Variants in CFTR observed in about 807,000 individuals in gnomAD.
CFTR encodes CF transmembrane conductance regulator, also known as cystic fibrosis transmembrane conductance regulator.
A neutral mutation model predicts 171.6 loss-of-function variants in CFTR; 181 were observed. That is an observed-to-expected ratio of 1.05 (90% CI 0.93 to 1.19). CFTR has a LOEUF of 1.19. Ranked by LOEUF, CFTR falls within the 50% of genes most tolerant of loss-of-function variation. CFTR has a pLI of 0.00. For missense variants in CFTR, 1,968 were observed against 1,734.7 expected, an observed-to-expected ratio of 1.13 and a Z score of -2.39; for synonymous variants, 583 against 608.0, an observed-to-expected ratio of 0.96 and a Z score of 0.60.
intron 15 of CFTR, among the ~76,000 whole-genome samples, chr7:117,595,306 C>A (rs1792103132): frequency 6.7e-6 from 1 of 150,218 alleles, no homozygotes; most frequent in Admixed American, 6.6e-5. Flanking sequence ...ACAAGTAGAA[C>A]CACTACTGAT....
At chr7:117,648,071 A>G (rs895403969) in intron 23 of CFTR, among the ~76,000 whole-genome samples, 24 of 144,896 alleles carry the variant, frequency 1.7e-4, no homozygotes, top group Middle Eastern at 3.6e-3. Flanking sequence ...GTATATATGT[A>G]TATATATATA....
Position 117,668,030 on chromosome 7 carries a change from A to G in CFTR, c.*922A>G, listed in dbSNP as rs1793415691. ...TAGAGGGTGTGTAAGTAGATAGGCC[A>G]TGGGCACTGTGGGTAGACACACATG... On this transcript the variant is annotated 3_prime_UTR_variant, in exon 27 of 27. Transcript: ENST00000003084. The G allele has an allele frequency of 6.6e-6, 1 of 152,258 alleles. No individual in the cohort carries two copies. The highest frequency in any genetic ancestry group is 2.4e-5 in the African/African-American group (1 of 41,456). The allele number at this position is 152,258 out of a possible 1,614,324, so 9.4% of individuals were successfully genotyped here. A position where few individuals can be genotyped will look rare whatever the true frequency, so the allele number is the denominator to read the frequency against.
chr7:117,488,501 A>G (rs753719457), intron 1 of CFTR, among the ~76,000 whole-genome samples: 9 of 152,062 alleles, frequency 5.9e-5, no homozygotes, highest in Non-Finnish European at 8.8e-5. Flanking sequence ...GTCTCTGTTG[A>G]CCATTTCATT....
At chr7:117,563,954 G>A (rs1033494998) in intron 11 of CFTR, among the ~76,000 whole-genome samples, 7 of 152,228 alleles carry the variant, frequency 4.6e-5, no homozygotes, top group African/African-American at 1.2e-4. Flanking sequence ...TGTAATGGAT[G>A]TAATGAATTT....
chr7:117,655,321 G>A (rs35164769), intron 24 of CFTR, among the ~76,000 whole-genome samples: 12,956 of 152,164 alleles, frequency 0.085, 733 homozygotes, highest in Non-Finnish European at 0.13. Context: ...TTGCTTTCAA[G>A]TTCTGCCTTC....
chr7:117,641,894 G>T (rs1015742444), intron 22 of CFTR, among the ~76,000 whole-genome samples: 2 of 152,162 alleles, frequency 1.3e-5, no homozygotes, highest in African/African-American at 4.8e-5. Flanking sequence ...GAGTGGTAAG[G>T]CCTTCGCCCA....
At chr7:117,550,479 G>C (rs1799250312) in intron 10 of CFTR, among the ~76,000 whole-genome samples, 1 of 151,874 alleles carries the variant, frequency 6.6e-6, no homozygotes, top group South Asian at 2.1e-4. Context: ...TTCTTAAAAT[G>C]TTATTATTTT....
chr7:117,559,422 G>T (rs34906874), intron 10 of CFTR, 42 bp from the exon 11 acceptor site: 1 of 1,279,790 alleles, frequency 7.8e-7, no homozygotes, highest in Non-Finnish European at 1.1e-6. Context: ...AATCCTGAGC[G>T]TGATTTGATA....
intron 22 of CFTR, among the ~76,000 whole-genome samples, chr7:117,638,801 T>G (rs1009134542): frequency 2.0e-5 from 3 of 151,774 alleles, no homozygotes; most frequent in Non-Finnish European, 2.9e-5. Context: ...AACAAAAATT[T>G]TATTCTGAGC....
At chr7:117,620,249 A>G (rs10262610) in intron 21 of CFTR, among the ~76,000 whole-genome samples, 2,311 of 151,960 alleles carry the variant, frequency 0.015, 42 homozygotes, top group African/African-American at 0.035. Context: ...CCTGCATTCT[A>G]CTCTGGCCTT....
chr7:117,532,892 C>T (rs1049974402), intron 4 of CFTR, among the ~76,000 whole-genome samples: 1 of 152,134 alleles, frequency 6.6e-6, no homozygotes, highest in Non-Finnish European at 1.5e-5. Flanking sequence ...TTACTTTTCC[C>T]AGGTCTCATG....
chr7:117,636,584 T>A (rs1273386450), intron 22 of CFTR, among the ~76,000 whole-genome samples: 2 of 152,128 alleles, frequency 1.3e-5, no homozygotes, highest in Non-Finnish European at 2.9e-5. Context: ...TTTTTCAGTT[T>A]TTTTTTCCTT....
intron 10 of CFTR, 91 bp from the exon 11 acceptor site, chr7:117,559,373 A>G: frequency 3.5e-6 from 3 of 856,860 alleles, no homozygotes; most frequent in Non-Finnish European, 6.0e-6. Context: ...ACAAATAAGA[A>G]TATACACTTC....
At chr7:117,512,806 C>A (rs944049028) in intron 3 of CFTR, among the ~76,000 whole-genome samples, 1 of 152,050 alleles carries the variant, frequency 6.6e-6, no homozygotes, top group Non-Finnish European at 1.5e-5. Flanking sequence ...ATAAGAAATT[C>A]ACAAGCATTC....
At position 117,603,648 on chromosome 7, in the gene CFTR, C is replaced by A. The variant is rs376827439; in HGVS notation, c.2774C>A (p.Thr925Asn). ...TACATTTACGTGGGAGTAGCCGACA[C>A]TTTGCTTGCTATGGGATTCTTCAGA... The part of the protein sequence containing the change: ...VFYIYVGVAD[T>N]LLAMGFFRGL... The change falls in exon 17 of 27, where the codon ACT becomes AAT. Residue 925 changes from threonine to asparagine, a missense_variant. Transcript: ENST00000003084. 2 of 1,614,072 alleles carry A rather than the reference C, an allele frequency of 1.2e-6. No individual in the cohort carries two copies. Among genetic ancestry groups the A allele is most frequent in the Non-Finnish European group, 1.7e-6 (2 of 1,179,944 alleles).
intron 1 of CFTR, among the ~76,000 whole-genome samples, chr7:117,484,617 AT>A (rs1798044174): frequency 6.6e-6 from 1 of 152,070 alleles, no homozygotes; most frequent in Non-Finnish European, 1.5e-5. Flanking sequence ...TTTTGTATTA[AT>A]TTTGATTAGC....
At chr7:117,542,168 A>G in intron 9 of CFTR, 60 bp downstream of exon 9, 1 of 825,500 alleles carries the variant, frequency 1.2e-6, no homozygotes, top group Non-Finnish European at 2.1e-6. Flanking sequence ...CTTTGTGAAT[A>G]TGGATTTCAT....
intron 5 of CFTR, 81 bp downstream of exon 5, chr7:117,534,446 A>T: frequency 1.3e-6 from 1 of 783,062 alleles, no homozygotes; most frequent in Non-Finnish European, 2.3e-6. Flanking sequence ...CCTGGGTCAG[A>T]TAATAGTAAT....
intron 3 of CFTR, among the ~76,000 whole-genome samples, chr7:117,519,647 T>C (rs1025045296): frequency 2.6e-5 from 4 of 152,006 alleles, no homozygotes; most frequent in Admixed American, 6.6e-5. Context: ...CCCATGGGAA[T>C]TTATACTTAA....
Sources: allele counts gnomAD v4.1 joint callset (sites outside exome capture counted in the v4.1 genomes callset), GRCh38; gene constraint gnomAD v4.1.1; transcripts MANE v1.5; gene names NCBI Gene and HGNC (gene_info 2026-07-23, HGNC 2026-07-21).